The following CNTN4 variants were observed in gnomAD, a reference collection of about 807,000 sequenced individuals.
The protein encoded by CNTN4 is contactin 4, also known as contactin-4.
Under a neutral mutation model 122.5 loss-of-function variants are expected in CNTN4, and 77 were observed. The observed-to-expected ratio is 0.63, with a 90% CI of 0.52 to 0.76. The LOEUF (loss-of-function observed/expected upper bound fraction) is 0.76, where lower values mean the gene tolerates loss of function less well. CNTN4 is among the 30% of genes least tolerant of loss of function. CNTN4 has a pLI of 0.00. For synonymous variants in CNTN4, 512 were observed against 447.0 expected (o/e 1.15, Z -1.83); for missense variants, 1,256 against 1,259.1 (o/e 1.00, Z 0.04).
chr3:2,492,542 A>C (rs1026296943), intron 3 of CNTN4, among the ~76,000 whole-genome samples: 1 of 152,094 alleles, frequency 6.6e-6, no homozygotes, highest in Admixed American at 6.6e-5. Context: ...GGGAGCAGCC[A>C]TTTCTTCTCA....
chr3:2,156,103 G>A (rs1029508365), intron 2 of CNTN4, among the ~76,000 whole-genome samples: 4 of 152,160 alleles, frequency 2.6e-5, no homozygotes, highest in African/African-American at 9.7e-5. Context: ...CACTGCTTCA[G>A]AAGGGGGTGT....
rs545302476 is a variant in CNTN4 at position 2,332,143 on chromosome 3, T to C, written c.-144-7035T>C. 5.9e-5 allele frequency among the ~76,000 whole-genome samples: 9 copies of C among 152,298 alleles called. No individual in the cohort carries two copies. In the South Asian group the frequency reaches 8.3e-4, roughly 14 times the overall value. ...GAGATTGATGATATCTTTGCACATA[T>C]TGGAAAACTTTAGATTTCAGGATAG... On this transcript the variant is annotated intron_variant, in intron 2 of 24. Coordinates refer to ENST00000418658, the MANE Select transcript of CNTN4 (RefSeq NM_175607.3).
intron 4 of CNTN4, among the ~76,000 whole-genome samples, chr3:2,685,496 T>C (rs1033054016): frequency 6.6e-6 from 1 of 152,180 alleles, no homozygotes; most frequent in African/African-American, 2.4e-5. Flanking sequence ...CATTTGGTCT[T>C]GTACTAAGAA....
chr3:2,759,329 T>A (rs2090481243), intron 6 of CNTN4, among the ~76,000 whole-genome samples: 1 of 152,116 alleles, frequency 6.6e-6, no homozygotes, highest in Non-Finnish European at 1.5e-5. Flanking sequence ...CTAATTTTTG[T>A]ATTTTCAGTA....
chr3:2,701,011 T>C (rs766357740), intron 4 of CNTN4, among the ~76,000 whole-genome samples: 69 of 152,232 alleles, frequency 4.5e-4, no homozygotes, highest in Non-Finnish European at 9.7e-4. Context: ...TGCTCATAGA[T>C]ACAATAATGC....
chr3:2,906,679 A>AT (rs2094237237), intron 12 of CNTN4, among the ~76,000 whole-genome samples: 1 of 151,186 alleles, frequency 6.6e-6, no homozygotes, highest in Non-Finnish European at 1.5e-5. Flanking sequence ...ATCTACTAAA[A>AT]ATATATATAT....
chr3:2,367,446 C>T (rs575537975), intron 3 of CNTN4, among the ~76,000 whole-genome samples: 23 of 152,250 alleles, frequency 1.5e-4, no homozygotes, highest in African/African-American at 3.9e-4. Context: ...ATTATAGTTA[C>T]GGTGTACAGT....
chr3:2,354,179 T>C (rs545722335), intron 3 of CNTN4, among the ~76,000 whole-genome samples: 43 of 152,344 alleles, frequency 2.8e-4, no homozygotes, highest in Non-Finnish European at 5.1e-4. Flanking sequence ...CATTCAGTTC[T>C]ATCTTGACTC....
chr3:2,767,520 T>C (rs2090913129), intron 6 of CNTN4, among the ~76,000 whole-genome samples: 1 of 152,112 alleles, frequency 6.6e-6, no homozygotes, highest in Non-Finnish European at 1.5e-5. Context: ...ACTGAGTGAG[T>C]GGGCTTTTTT....
At chr3:2,863,542 T>A (rs1253120273) in intron 7 of CNTN4, among the ~76,000 whole-genome samples, 1 of 151,656 alleles carries the variant, frequency 6.6e-6, no homozygotes, top group Non-Finnish European at 1.5e-5. Context: ...ATATTTGTTG[T>A]TGTTTTCTGT....
intron 2 of CNTN4, among the ~76,000 whole-genome samples, chr3:2,288,509 T>A (rs1229629178): frequency 6.6e-6 from 1 of 152,110 alleles, no homozygotes. Context: ...ATTAGGCCCC[T>A]CCTTGCAACA....
At chr3:2,126,612 A>C (rs571689179) in intron 2 of CNTN4, among the ~76,000 whole-genome samples, 2 of 152,158 alleles carry the variant, frequency 1.3e-5, no homozygotes, top group South Asian at 4.1e-4. Flanking sequence ...TTAGCACGTA[A>C]TTGTTTTGAC....
chr3:2,718,549 A>T (rs1209662125), intron 4 of CNTN4, among the ~76,000 whole-genome samples: 2 of 152,148 alleles, frequency 1.3e-5, no homozygotes, highest in Non-Finnish European at 2.9e-5. Flanking sequence ...GGTTGGTTAT[A>T]TTTCACTTAA....
rs1289887335 is a variant in CNTN4, at chr3:2,645,417, T to C, written c.55+73859T>C. On this transcript the variant is annotated intron_variant, in intron 4 of 24. Coordinates refer to ENST00000418658, the MANE Select transcript of CNTN4 (RefSeq NM_175607.3). Reference sequence around the variant, plus strand: ...CAATTTTTGCTGGGCTACAGGTGGTTATTTAAGACAATCAATTTACATAGA... The same window carrying C: ...CAATTTTTGCTGGGCTACAGGTGGTCATTTAAGACAATCAATTTACATAGA... Among the ~76,000 whole-genome samples the C allele has an allele frequency of 3.3e-5, 5 of 152,334 alleles. No homozygotes were observed. In the East Asian group the frequency reaches 9.6e-4, roughly 29 times the overall value.
At chr3:2,578,902 A>T (rs1322559513) in intron 4 of CNTN4, among the ~76,000 whole-genome samples, 1 of 152,200 alleles carries the variant, frequency 6.6e-6, no homozygotes, top group Non-Finnish European at 1.5e-5. Context: ...GGGGAAGTAT[A>T]CTTAGAAAAT....
At chr3:2,446,589 A>C (rs1424115093) in intron 3 of CNTN4, among the ~76,000 whole-genome samples, 1 of 151,966 alleles carries the variant, frequency 6.6e-6, no homozygotes, top group African/African-American at 2.4e-5. Context: ...TTATACCTTC[A>C]CCCTCACTCC....
intron 7 of CNTN4, among the ~76,000 whole-genome samples, chr3:2,840,611 A>G (rs1477836020): frequency 4.1e-5 from 5 of 122,006 alleles, no homozygotes; most frequent in African/African-American, 1.4e-4. Context: ...AGGCGGGAGA[A>G]TGGCGGGAAC....
intron 3 of CNTN4, among the ~76,000 whole-genome samples, chr3:2,466,125 G>A (rs1002583988): frequency 1.1e-4 from 16 of 152,098 alleles, no homozygotes; most frequent in African/African-American, 3.1e-4. Flanking sequence ...CACTAATCTC[G>A]CTGCAATAAT....
intron 7 of CNTN4, among the ~76,000 whole-genome samples, chr3:2,844,488 C>T (rs368568112): frequency 7.8e-4 from 118 of 152,212 alleles, no homozygotes; most frequent in Non-Finnish European, 1.3e-3. Context: ...TCAGCTGTTC[C>T]GGTAAGGACG....
Sources: allele counts gnomAD v4.1 joint callset (sites outside exome capture counted in the v4.1 genomes callset), GRCh38; gene constraint gnomAD v4.1.1; transcripts MANE v1.5; gene names NCBI Gene and HGNC (gene_info 2026-07-23, HGNC 2026-07-21).